The following TBL1X variants were observed in gnomAD, a reference collection of about 807,000 sequenced individuals.
TBL1X encodes F-box-like/WD repeat-containing protein TBL1X.
Under a neutral mutation model 50.7 loss-of-function variants are expected in TBL1X, and 10 were observed. That is an observed-to-expected ratio of 0.20 (90% CI 0.12 to 0.33). TBL1X has a LOEUF of 0.33. Among genes scored for constraint, TBL1X ranks in the 10% least tolerant of loss-of-function variants. The probability of loss-of-function intolerance (pLI) is 1.00; values close to 1 mark genes in which losing one functional copy is unlikely to be tolerated. For missense variants in TBL1X, 340 were observed against 504.4 expected (o/e 0.67, Z 3.12); for synonymous variants, 190 against 214.7 (o/e 0.88, Z 1.01).
chrX:9,490,297 C>T (rs1206913052), intron 1 of TBL1X, among the ~76,000 whole-genome samples: 2 of 111,748 alleles, frequency 1.8e-5, no homozygotes, highest in Non-Finnish European at 1.9e-5. Context: ...CTGCAGCTTC[C>T]TTGATTCCAT....
chrX:9,631,026 T>C (rs2082718754), intron 2 of TBL1X, among the ~76,000 whole-genome samples: 1 of 111,955 alleles, frequency 8.9e-6, no homozygotes, highest in Non-Finnish European at 1.9e-5. Context: ...TCAGTAACGA[T>C]ATACATGTAT....
intron 12 of TBL1X, among the ~76,000 whole-genome samples, chrX:9,701,593 AAAAGAAG>A (rs2083173312): frequency 1.9e-5 from 2 of 103,192 alleles, no homozygotes; most frequent in African/African-American, 7.2e-5. Flanking sequence ...AAAAAAAAAA[AAAAGAAG>A]AAGAAAAAGA....
At chrX:9,677,138 C>T (rs1340228517) in intron 5 of TBL1X, among the ~76,000 whole-genome samples, 1 of 110,716 alleles carries the variant, frequency 9.0e-6, no homozygotes, top group African/African-American at 3.3e-5. Flanking sequence ...TTTATCACAC[C>T]CTCCCCACCT....
intron 2 of TBL1X, among the ~76,000 whole-genome samples, chrX:9,503,574 C>T (rs772082918): frequency 1.8e-5 from 2 of 113,237 alleles, no homozygotes; most frequent in Non-Finnish European, 1.9e-5. Context: ...CTACAGGCTA[C>T]GCTTTTCCCC....
chrX:9,665,968 T>C (rs2082928518), intron 5 of TBL1X, among the ~76,000 whole-genome samples: 1 of 111,530 alleles, frequency 9.0e-6, no homozygotes, highest in Admixed American at 9.5e-5. Flanking sequence ...TTTGCACTTT[T>C]GGATTAGAGA....
chrX:9,671,470 C>A (rs1248589325), intron 5 of TBL1X, among the ~76,000 whole-genome samples: 4 of 113,353 alleles, frequency 3.5e-5, no homozygotes, highest in Non-Finnish European at 7.5e-5. Context: ...CACACCACTT[C>A]AGGCCCAGGC....
intron 5 of TBL1X, among the ~76,000 whole-genome samples, chrX:9,675,236 A>G (rs2082986277): frequency 9.0e-6 from 1 of 111,586 alleles, no homozygotes; most frequent in African/African-American, 3.3e-5. Context: ...GAGCACTTCA[A>G]GAAAAATAAA....
intron 2 of TBL1X, among the ~76,000 whole-genome samples, chrX:9,559,164 G>T (rs1277436882): frequency 8.9e-6 from 1 of 112,223 alleles, no homozygotes; most frequent in Non-Finnish European, 1.9e-5. Flanking sequence ...CCTTCCAAGT[G>T]ATTTCAGGTT....
chrX:9,548,928 T>C (rs1247118552), intron 2 of TBL1X, among the ~76,000 whole-genome samples: 1 of 113,066 alleles, frequency 8.8e-6, no homozygotes, highest in Non-Finnish European at 1.9e-5. Context: ...TCTTTCTTGA[T>C]TTATAATCTT....
intron 2 of TBL1X, among the ~76,000 whole-genome samples, chrX:9,616,140 A>G (rs1054673879): frequency 6.3e-5 from 7 of 111,938 alleles, no homozygotes; most frequent in African/African-American, 2.3e-4. Flanking sequence ...TATTTGCATT[A>G]GATTGTGTCC....
chrX:9,502,647 G>C (rs1293213971), intron 2 of TBL1X, among the ~76,000 whole-genome samples: 1 of 112,585 alleles, frequency 8.9e-6, no homozygotes, highest in Non-Finnish European at 1.9e-5. Flanking sequence ...CAATTGCTTT[G>C]TGGATGTAAA....
chrX:9,476,903 T>C (rs2081852856), intron 1 of TBL1X, among the ~76,000 whole-genome samples: 1 of 112,417 alleles, frequency 8.9e-6, no homozygotes, highest in Admixed American at 9.5e-5. Flanking sequence ...GTTAGCAAAA[T>C]TATATAACCT....
intron 1 of TBL1X, among the ~76,000 whole-genome samples, chrX:9,471,658 C>T (rs902256474): frequency 9.8e-5 from 11 of 111,753 alleles, no homozygotes; most frequent in African/African-American, 3.6e-4. Flanking sequence ...TGCTGCTGGG[C>T]GCCTCTGAGT....
chrX:9,674,319 GC>G (rs1363318800), intron 5 of TBL1X, among the ~76,000 whole-genome samples: 1 of 110,649 alleles, frequency 9.0e-6, no homozygotes, highest in Non-Finnish European at 1.9e-5. Flanking sequence ...GAATGCAGTG[GC>G]ATGATCTTGC....
intron 3 of TBL1X, among the ~76,000 whole-genome samples, chrX:9,641,463 C>A (rs1437161565): frequency 8.9e-6 from 1 of 112,293 alleles, no homozygotes; most frequent in Non-Finnish European, 1.9e-5. Context: ...ACCTGTAGAA[C>A]TTGGGCAGTT....
chrX:9,679,709 G>A (rs1317061215), intron 5 of TBL1X, among the ~76,000 whole-genome samples: 1 of 111,889 alleles, frequency 8.9e-6, no homozygotes, highest in Admixed American at 9.5e-5. Context: ...GGAGGCACAA[G>A]GCACCGAAGT....
chrX:9,496,747 C>G (rs1055773961), intron 1 of TBL1X, among the ~76,000 whole-genome samples: 5 of 111,680 alleles, frequency 4.5e-5, no homozygotes, highest in Non-Finnish European at 9.4e-5. Context: ...ATGATTCTCA[C>G]CTGGTTGATT....
rs186053249 is a variant in TBL1X, at chrX:9,654,196, C to G, written c.104-19C>G. 74 of 1,188,494 alleles carry G rather than the reference C, an allele frequency of 6.2e-5. No homozygotes were observed. In the East Asian group the frequency reaches 2.1e-3, roughly 34 times the overall value. ...AAAATACAAGCAGTGTTTCAAAACT[C>G]TCTTCTCTTTTTGAACAGAGGGTGG... On this transcript the variant is annotated intron_variant, in intron 4 of 17. Transcript: ENST00000645353.
intron 3 of TBL1X, chrX:9,645,097 C>T (rs976337025): frequency 1.8e-5 from 2 of 111,949 alleles, no homozygotes; most frequent in Non-Finnish European, 3.8e-5. Flanking sequence ...ATTGCCAGGT[C>T]GTTTTTGTTT....
Sources: gnomAD v4.1 joint callset for allele counts (sites outside exome capture counted in the v4.1 genomes callset) on GRCh38, gnomAD v4.1.1 for gene constraint, MANE v1.5 for transcripts, NCBI Gene and HGNC (gene_info 2026-07-23, HGNC 2026-07-21) for gene names.